CSMD1: variants seen among roughly 807,000 people sequenced by gnomAD.
CSMD1 encodes CUB and sushi domain-containing protein 1.
CSMD1 carries 213 observed loss-of-function variants against 417.5 expected under a neutral mutation model. The observed-to-expected ratio is 0.51, with a 90% CI of 0.46 to 0.57. The LOEUF (loss-of-function observed/expected upper bound fraction) is 0.57. Ranked by LOEUF, CSMD1 falls within the 20% of genes least tolerant of loss-of-function variation. CSMD1 has a pLI of 0.00. For missense variants in CSMD1, 6,923 were observed against 4,529.7 expected, an observed-to-expected ratio of 1.53 and a Z score of -15.17; for synonymous variants, 2,862 against 1,736.8, an observed-to-expected ratio of 1.65 and a Z score of -16.11.
intron 3 of CSMD1, among the ~76,000 whole-genome samples, chr8:4,161,341 G>A (rs973920096): frequency 1.3e-5 from 2 of 152,136 alleles, no homozygotes; most frequent in African/African-American, 4.8e-5. Flanking sequence ...CTAAAATCCC[G>A]GTCTCTTTGA....
intron 1 of CSMD1, among the ~76,000 whole-genome samples, chr8:4,892,861 TCTTA>T (rs981101815): frequency 1.3e-5 from 2 of 152,286 alleles, no homozygotes; most frequent in Middle Eastern, 3.4e-3. Context: ...TTAACAATAT[TCTTA>T]CTAAGAGGCA....
chr8:3,189,056 A>G lies in CSMD1; in HGVS notation c.5399-45T>C, dbSNP rs775795930. On this transcript the variant is annotated intron_variant, in intron 34 of 69. Coordinates refer to ENST00000635120, the MANE Select transcript of CSMD1 (RefSeq NM_033225.6). ...GTCATGAAATAAAGTGCTGTGGGAC[A>G]GTGTTGATTTGGCATGCAGTTTTCT... 6.4e-6 allele frequency: 10 copies of G among 1,571,326 alleles called. 1 individual carries two copies. In the South Asian group the frequency reaches 9.5e-5, roughly 15 times the overall value.
At chr8:4,119,656 G>C (rs78821402) in intron 3 of CSMD1, among the ~76,000 whole-genome samples, 12,076 of 152,206 alleles carry the variant, frequency 0.079, 535 homozygotes, top group Middle Eastern at 0.099. Context: ...AAGCACACAA[G>C]CACACACTTG....
intron 1 of CSMD1, among the ~76,000 whole-genome samples, chr8:4,646,809 G>A (rs1230717553): frequency 6.6e-6 from 1 of 152,118 alleles, no homozygotes; most frequent in African/African-American, 2.4e-5. Context: ...CTCTCTAAGA[G>A]GACAGACAGT....
At chr8:4,297,408 G>T (rs906163548) in intron 3 of CSMD1, among the ~76,000 whole-genome samples, 10 of 152,088 alleles carry the variant, frequency 6.6e-5, no homozygotes, top group African/African-American at 2.2e-4. Flanking sequence ...TATTGACTAA[G>T]AAGTGAATGT....
chr8:3,939,453 G>C (rs775653777), intron 5 of CSMD1, among the ~76,000 whole-genome samples: 3 of 152,100 alleles, frequency 2.0e-5, no homozygotes, highest in Non-Finnish European at 4.4e-5. Context: ...ACAGTACGGA[G>C]ATTCCTTAAA....
chr8:4,263,859 T>A (rs892670008), intron 3 of CSMD1, among the ~76,000 whole-genome samples: 3 of 152,188 alleles, frequency 2.0e-5, no homozygotes, highest in African/African-American at 7.2e-5. Flanking sequence ...CATTAACTTA[T>A]TTGTGTTTTG....
chr8:4,922,397 TTTAC>T (rs1282999055), intron 1 of CSMD1, among the ~76,000 whole-genome samples: 1 of 152,188 alleles, frequency 6.6e-6, no homozygotes, highest in Non-Finnish European at 1.5e-5. Flanking sequence ...AAAATCCTGT[TTTAC>T]TTGAGAAAAA....
At chr8:4,695,447 ATGT>A (rs1412174532) in intron 1 of CSMD1, among the ~76,000 whole-genome samples, 1 of 152,198 alleles carries the variant, frequency 6.6e-6, no homozygotes, top group African/African-American at 2.4e-5. Flanking sequence ...ATTTGTTAAG[ATGT>A]TATGTGGACT....
At chr8:2,987,109 G>A (rs1805981979) in intron 54 of CSMD1, among the ~76,000 whole-genome samples, 1 of 152,024 alleles carries the variant, frequency 6.6e-6, no homozygotes, top group Non-Finnish European at 1.5e-5. Context: ...TCCAGGCTTT[G>A]GATGTATTTT....
At chr8:4,815,211 G>A (rs1018986218) in intron 1 of CSMD1, among the ~76,000 whole-genome samples, 1 of 151,974 alleles carries the variant, frequency 6.6e-6, no homozygotes, top group Non-Finnish European at 1.5e-5. Flanking sequence ...ACAAAGTTTT[G>A]TGGTTTCATC....
At chr8:3,065,924 T>C (rs1328134400) in intron 49 of CSMD1, among the ~76,000 whole-genome samples, 1 of 152,162 alleles carries the variant, frequency 6.6e-6, no homozygotes, top group Admixed American at 6.5e-5. Context: ...GCTTTGAGGT[T>C]ATCACCCACT....
chr8:4,146,407 A>T (rs991386213), intron 3 of CSMD1, among the ~76,000 whole-genome samples: 16 of 150,404 alleles, frequency 1.1e-4, no homozygotes, highest in African/African-American at 3.5e-4. Flanking sequence ...AATGTGGCAC[A>T]GCAGACTCCA....
At chr8:4,152,948 T>C (rs80093303) in intron 3 of CSMD1, among the ~76,000 whole-genome samples, 1 of 152,152 alleles carries the variant, frequency 6.6e-6, no homozygotes, top group Non-Finnish European at 1.5e-5. Context: ...CTCAAAATCT[T>C]AGAAATGGTA....
chr8:3,660,351 T>C (rs1017752065), intron 7 of CSMD1, among the ~76,000 whole-genome samples: 1 of 152,156 alleles, frequency 6.6e-6, no homozygotes, highest in South Asian at 2.1e-4. Flanking sequence ...CTGAAAGTAT[T>C]AGCGATCTTC....
intron 27 of CSMD1, among the ~76,000 whole-genome samples, chr8:3,227,770 T>C (rs1798600607): frequency 6.6e-6 from 1 of 151,600 alleles, no homozygotes; most frequent in Non-Finnish European, 1.5e-5. Flanking sequence ...AAAACTTTTT[T>C]CTTTTTTTTT....
At chr8:3,490,830 G>A (rs1050824733) in intron 11 of CSMD1, among the ~76,000 whole-genome samples, 1 of 151,824 alleles carries the variant, frequency 6.6e-6, no homozygotes, top group Non-Finnish European at 1.5e-5. Context: ...TAGATATCTG[G>A]GCCCTCAGAT....
chr8:3,032,806 G>C (rs1810430453), intron 50 of CSMD1, among the ~76,000 whole-genome samples: 1 of 151,700 alleles, frequency 6.6e-6, no homozygotes, highest in Non-Finnish European at 1.5e-5. Context: ...GCTTAGTTTT[G>C]GCGCAAAATT....
intron 5 of CSMD1, among the ~76,000 whole-genome samples, chr8:3,927,440 G>C (rs1045661741): frequency 1.3e-5 from 2 of 151,954 alleles, no homozygotes; most frequent in Admixed American, 6.6e-5. Context: ...GCCGAGGCAG[G>C]TGGATCACAA....
Sources: allele counts gnomAD v4.1 joint callset (sites outside exome capture counted in the v4.1 genomes callset), GRCh38; gene constraint gnomAD v4.1.1; transcripts MANE v1.5; gene names NCBI Gene and HGNC (gene_info 2026-07-23, HGNC 2026-07-21).